STXBP5L: variants seen among roughly 807,000 people sequenced by gnomAD.
STXBP5L encodes syntaxin-binding protein 5-like.
STXBP5L carries 65 observed loss-of-function variants against 144.5 expected under a neutral mutation model. The observed-to-expected ratio is 0.45, with a 90% CI of 0.37 to 0.55. STXBP5L has a LOEUF of 0.55. Ranked by LOEUF, STXBP5L falls within the 20% of genes least tolerant of loss-of-function variation. The pLI is 0.00. For synonymous variants in STXBP5L, 505 were observed against 469.6 expected, an observed-to-expected ratio of 1.08 and a Z score of -0.97; for missense variants, 1,298 against 1,405.5, an observed-to-expected ratio of 0.92 and a Z score of 1.22.
At chr3:121,038,689 G>A (rs181240040) in intron 3 of STXBP5L, among the ~76,000 whole-genome samples, 2 of 151,926 alleles carry the variant, frequency 1.3e-5, no homozygotes, top group Admixed American at 1.3e-4. Flanking sequence ...AGAAAGGGGT[G>A]CTAAAAACTC....
intron 3 of STXBP5L, among the ~76,000 whole-genome samples, chr3:120,975,436 A>G (rs1040367960): frequency 3.9e-5 from 6 of 152,086 alleles, no homozygotes; most frequent in African/African-American, 1.4e-4. Flanking sequence ...GCTTAAGGAG[A>G]TTTTGGGCTG....
chr3:120,989,294 C>G (rs964669681), intron 3 of STXBP5L, among the ~76,000 whole-genome samples: 1 of 152,104 alleles, frequency 6.6e-6, no homozygotes, highest in South Asian at 2.1e-4. Context: ...TCATCAATAT[C>G]TGTTGTTGAT....
chr3:121,381,682 A>G lies in STXBP5L; in HGVS notation c.2587+150A>G, dbSNP rs1435594736. Reference sequence around the variant, plus strand: ...TTAAGAATTTTATACATCATATACCATCCCAACATCTGTCATGTTGTAACT... The same window carrying G: ...TTAAGAATTTTATACATCATATACCGTCCCAACATCTGTCATGTTGTAACT... On this transcript the variant is annotated intron_variant, in intron 22 of 26. Coordinates refer to ENST00000471454, the MANE Select transcript of STXBP5L (RefSeq NM_001308330.2). The G allele has an allele frequency of 7.2e-6, 7 of 978,938 alleles. No homozygotes were observed. In the East Asian group the frequency reaches 1.5e-4, roughly 21 times the overall value. 60.6% of individuals were successfully genotyped at this position (978,938 alleles called of 1,614,324 possible). A position where few individuals can be genotyped will look rare whatever the true frequency, so the allele number is the denominator to read the frequency against.
chr3:121,289,792 A>G (rs1281317852), intron 19 of STXBP5L, among the ~76,000 whole-genome samples: 1 of 152,198 alleles, frequency 6.6e-6, no homozygotes, highest in African/African-American at 2.4e-5. Context: ...AAATTAAATA[A>G]TCTGCCCCTG....
intron 19 of STXBP5L, among the ~76,000 whole-genome samples, chr3:121,302,837 G>A (rs960829365): frequency 6.6e-6 from 1 of 152,164 alleles, no homozygotes; most frequent in Non-Finnish European, 1.5e-5. Context: ...TCTGTAGAAA[G>A]CTGAAACTGG....
chr3:121,391,264 T>A (rs2046576924), intron 22 of STXBP5L, among the ~76,000 whole-genome samples: 1 of 152,200 alleles, frequency 6.6e-6, no homozygotes, highest in Non-Finnish European at 1.5e-5. Context: ...CTCTACACTG[T>A]TTATTCTAGT....
At chr3:121,161,028 C>G (rs975558482) in intron 9 of STXBP5L, among the ~76,000 whole-genome samples, 1 of 151,984 alleles carries the variant, frequency 6.6e-6, no homozygotes, top group African/African-American at 2.4e-5. Context: ...TATAGTACAT[C>G]CAAATATATT....
chr3:121,001,458 A>G (rs1281073669), intron 3 of STXBP5L, among the ~76,000 whole-genome samples: 1 of 152,200 alleles, frequency 6.6e-6, no homozygotes, highest in Admixed American at 6.6e-5. Context: ...GCCACCTGGA[A>G]CAGTGTGGTG....
intron 11 of STXBP5L, among the ~76,000 whole-genome samples, chr3:121,224,717 T>A (rs551596475): frequency 7.2e-4 from 110 of 152,288 alleles, no homozygotes; most frequent in African/African-American, 2.6e-3. Flanking sequence ...AGAGTAGAGT[T>A]GTTTAGGGAA....
intron 3 of STXBP5L, among the ~76,000 whole-genome samples, chr3:121,028,502 A>G (rs886241517): frequency 3.3e-5 from 5 of 152,130 alleles, no homozygotes; most frequent in East Asian, 1.9e-4. Context: ...AAGTAAAGCT[A>G]TCCACTGCTG....
chr3:121,356,646 C>T (rs549854591), intron 20 of STXBP5L, among the ~76,000 whole-genome samples: 117 of 152,324 alleles, frequency 7.7e-4, no homozygotes, highest in African/African-American at 2.6e-3. Context: ...TTGCACTTCC[C>T]GGGTGAGGCA....
chr3:121,316,533 T>A (rs1415260209), intron 19 of STXBP5L, among the ~76,000 whole-genome samples: 1 of 152,216 alleles, frequency 6.6e-6, no homozygotes, highest in Non-Finnish European at 1.5e-5. Flanking sequence ...TGTAATAGCC[T>A]TTCTTCCCCT....
chr3:121,027,648 GT>G (rs929389402), intron 3 of STXBP5L, among the ~76,000 whole-genome samples: 2 of 151,690 alleles, frequency 1.3e-5, no homozygotes, highest in Admixed American at 6.6e-5. Flanking sequence ...TTTTTTGTTT[GT>G]TTTTTTCACT....
At chr3:121,009,594 T>G (rs1055130463) in intron 3 of STXBP5L, among the ~76,000 whole-genome samples, 1 of 151,994 alleles carries the variant, frequency 6.6e-6, no homozygotes, top group African/African-American at 2.4e-5. Context: ...TTTCTCCTCT[T>G]TGTGGTAGTT....
chr3:121,176,754 T>G (rs2108085022), intron 9 of STXBP5L, among the ~76,000 whole-genome samples: 1 of 151,694 alleles, frequency 6.6e-6, no homozygotes, highest in East Asian at 1.9e-4. Context: ...TAAGGGTGAC[T>G]GAGAAAAGGC....
At chr3:121,204,843 G>C (rs2048276460) in intron 9 of STXBP5L, among the ~76,000 whole-genome samples, 1 of 152,136 alleles carries the variant, frequency 6.6e-6, no homozygotes, top group Non-Finnish European at 1.5e-5. Flanking sequence ...TGCAGAAGTA[G>C]CTTCATTTCT....
At chr3:121,194,942 A>G (rs2047860064) in intron 9 of STXBP5L, among the ~76,000 whole-genome samples, 1 of 115,084 alleles carries the variant, frequency 8.7e-6, no homozygotes, top group African/African-American at 3.5e-5. Flanking sequence ...TTTGAGATGA[A>G]GTCTAGCTCT....
chr3:121,277,299 G>T (rs2050914677), intron 18 of STXBP5L, among the ~76,000 whole-genome samples: 1 of 151,928 alleles, frequency 6.6e-6, no homozygotes, highest in Non-Finnish European at 1.5e-5. Context: ...CCATTTTCAT[G>T]ACCTAGTCAC....
chr3:121,252,327 C>T (rs2050053751), intron 15 of STXBP5L, among the ~76,000 whole-genome samples: 1 of 151,968 alleles, frequency 6.6e-6, no homozygotes, highest in African/African-American at 2.4e-5. Context: ...GATCACACCA[C>T]TGCGCTCCAG....
Sources: gnomAD v4.1 joint callset for allele counts (sites outside exome capture counted in the v4.1 genomes callset) on GRCh38, gnomAD v4.1.1 for gene constraint, MANE v1.5 for transcripts, NCBI Gene and HGNC (gene_info 2026-07-23, HGNC 2026-07-21) for gene names.